ITSN2: variants seen among roughly 807,000 people sequenced by gnomAD.
ITSN2 encodes intersectin-2.
Under a neutral mutation model 243.7 loss-of-function variants are expected in ITSN2, and 156 were observed. The ratio of observed to expected loss-of-function variants is 0.64; its 90% CI spans 0.56 to 0.73. The LOEUF (loss-of-function observed/expected upper bound fraction) is 0.73. Among genes scored for constraint, ITSN2 ranks in the 30% least tolerant of loss-of-function variants. The probability of loss-of-function intolerance (pLI) is 0.00; values close to 1 mark genes in which losing one functional copy is unlikely to be tolerated. For synonymous variants in ITSN2, 703 were observed against 699.9 expected (o/e 1.00, Z -0.07); for missense variants, 1,801 against 1,996.1 (o/e 0.90, Z 1.86).
intron 20 of ITSN2, among the ~76,000 whole-genome samples, chr2:24,270,299 G>A (rs970411128): frequency 2.0e-5 from 3 of 152,144 alleles, no homozygotes; most frequent in African/African-American, 7.2e-5. Flanking sequence ...TTCGTTCCAA[G>A]GAACAAATTG....
rs9917355 is a variant in ITSN2 at position 24,210,531 on chromosome 2, C to T, written c.4257+249G>A. Among the ~76,000 whole-genome samples, 27,169 of 150,196 alleles carry T rather than the reference C, an allele frequency of 0.18. 3,086 individuals carry two copies. The highest frequency in any genetic ancestry group is 0.26 in the Non-Finnish European group (17,441 of 67,720). The stretch of plus-strand genomic sequence containing the variant: ...GGAGATGGAGGCCAGAGAATCGCTC[C>T]AACCCGGGAGGCAGAGCTTGCAGTG... On this transcript the variant is annotated intron_variant, in intron 34 of 39. Coordinates refer to ENST00000355123, the MANE Select transcript of ITSN2 (RefSeq NM_006277.3).
Position 24,203,556 on chromosome 2 carries a change from G to T in ITSN2, c.*70C>A. ...CTGCATGGTGCTCCCTCAGCCCCAA[G>T]AGAGCGCAGTCTCTCATTCTCCAGC... On this transcript the variant is annotated 3_prime_UTR_variant, in exon 40 of 40. Transcript: ENST00000355123. The T allele has an allele frequency of 6.7e-7, 1 of 1,493,706 alleles. No individual in the cohort carries two copies. The highest frequency in any genetic ancestry group is 1.3e-5 in the South Asian group (1 of 79,372). 92.5% of individuals were successfully genotyped at this position (1,493,706 alleles called of 1,614,324 possible). A position where few individuals can be genotyped will look rare whatever the true frequency, so the allele number is the denominator to read the frequency against.
chr2:24,322,108 T>A (rs901640608), intron 2 of ITSN2, among the ~76,000 whole-genome samples: 1 of 152,132 alleles, frequency 6.6e-6, no homozygotes. Flanking sequence ...CTCTATAAAC[T>A]AGGAATATTA....
chr2:24,275,994 A>G (rs1244353243), intron 17 of ITSN2, 145 bp from the exon 18 acceptor site: 2 of 552,804 alleles, frequency 3.6e-6, no homozygotes, highest in Non-Finnish European at 6.0e-6. Context: ...AAAAATATCT[A>G]GATGATAAAA....
intron 29 of ITSN2, among the ~76,000 whole-genome samples, chr2:24,236,782 G>A (rs1558463466): frequency 6.7e-6 from 1 of 150,180 alleles, no homozygotes; most frequent in Admixed American, 6.7e-5. Flanking sequence ...TGAACTGCCT[G>A]CCTCAGCCTC....
At chr2:24,314,298 A>T (rs1683646137) in intron 3 of ITSN2, among the ~76,000 whole-genome samples, 1 of 152,244 alleles carries the variant, frequency 6.6e-6, no homozygotes, top group Non-Finnish European at 1.5e-5. Flanking sequence ...TTAACCTGTA[A>T]GCAGGGTAAT....
At chr2:24,342,257 G>A (rs1212840434) in intron 1 of ITSN2, among the ~76,000 whole-genome samples, 3 of 151,920 alleles carry the variant, frequency 2.0e-5, no homozygotes, top group Non-Finnish European at 2.9e-5. Context: ...GAGTGCAGTG[G>A]CATAATCACG....
In ITSN2 at chr2:24,249,014, T is replaced by C; in HGVS notation, c.3121-132A>G. ...CTTTAAATGAAGATGAAAATGACAA[T>C]GAACCTCATGCAGTATTAACAAATA... On this transcript the variant is annotated intron_variant, in intron 25 of 39. Coordinates refer to ENST00000355123, the MANE Select transcript of ITSN2 (RefSeq NM_006277.3). This position sits in a 1 kb window ranked among gnomAD's most constrained non-coding sequence, Gnocchi z 4.4. 1.1e-6 allele frequency: 1 copy of C among 888,468 alleles called. No individual in the cohort carries two copies. The highest frequency in any genetic ancestry group is 1.8e-6 in the Non-Finnish European group (1 of 565,498). The allele number at this position is 888,468 out of a possible 1,614,324, so 55.0% of individuals were successfully genotyped here.
chr2:24,233,389 G>A (rs773112510), intron 29 of ITSN2, among the ~76,000 whole-genome samples: 4 of 152,100 alleles, frequency 2.6e-5, no homozygotes, highest in Non-Finnish European at 5.9e-5. Flanking sequence ...CCAGTGGCAG[G>A]TTCTTCGGTA....
Position 24,203,398 on chromosome 2 carries a change from T to A in ITSN2, c.*228A>T, listed in dbSNP as rs1668517043. On this transcript the variant is annotated 3_prime_UTR_variant, in exon 40 of 40. Coordinates refer to ENST00000355123, the MANE Select transcript of ITSN2 (RefSeq NM_006277.3). ...GCATCTAAACAAACAGAGCTGAACATGTGAACACTAGGACAAGGCACTGTA... is the reference window on the plus strand; with the variant it reads ...GCATCTAAACAAACAGAGCTGAACAAGTGAACACTAGGACAAGGCACTGTA... 2.3e-6 allele frequency: 1 copy of A among 426,490 alleles called. No homozygotes were observed. Among genetic ancestry groups the A allele is most frequent in the Admixed American group, 3.7e-5 (1 of 26,852 alleles). The allele number at this position is 426,490 out of a possible 1,614,324, so 26.4% of individuals were successfully genotyped here.
At chr2:24,279,622 G>A (rs905480065) in intron 17 of ITSN2, among the ~76,000 whole-genome samples, 3 of 151,638 alleles carry the variant, frequency 2.0e-5, no homozygotes, top group African/African-American at 2.4e-5. Context: ...ATGACAGATC[G>A]TTACACAACT....
intron 32 of ITSN2, among the ~76,000 whole-genome samples, chr2:24,215,820 A>C (rs1461503861): frequency 3.3e-5 from 5 of 152,168 alleles, no homozygotes; most frequent in African/African-American, 1.2e-4. Context: ...TTAAAAAAAA[A>C]CACTCTGCTA....
chr2:24,318,702 A>G (rs1348257730), intron 2 of ITSN2, among the ~76,000 whole-genome samples: 1 of 152,170 alleles, frequency 6.6e-6, no homozygotes, highest in Non-Finnish European at 1.5e-5. Flanking sequence ...ACTCCTGGAC[A>G]TGATGCATCT....
intron 7 of ITSN2, 43 bp downstream of exon 7, chr2:24,310,241 C>T: frequency 8.0e-7 from 1 of 1,251,438 alleles, no homozygotes; most frequent in South Asian, 1.3e-5. Context: ...ATAAAGACTT[C>T]TTACTGAAAG....
At chr2:24,262,331 AC>A (rs1159962331) in intron 20 of ITSN2, among the ~76,000 whole-genome samples, 38 of 151,894 alleles carry the variant, frequency 2.5e-4, no homozygotes, top group Non-Finnish European at 5.3e-4. Flanking sequence ...TTTTTTGTAA[AC>A]TTTTTATTCT....
At position 24,205,279 on chromosome 2, in the gene ITSN2, G is replaced by GAAGTC; in HGVS notation, c.4692_4696dup (p.Ser1566Ter). 1 of 1,613,918 alleles carries GAAGTC rather than the reference G, an allele frequency of 6.2e-7. No homozygotes were observed. The highest frequency in any genetic ancestry group is 8.5e-7 in the Non-Finnish European group (1 of 1,179,812). On this transcript the variant is annotated stop_gained and frameshift_variant, in exon 38 of 40. Transcript: ENST00000355123. LOFTEE classifies it high-confidence loss of function. ...ATGCACCATCAGGCGCCCAATGCCT[G>GAAGTC]AAGTCTTTTGGGAGCGGGCTACAAA...
At chr2:24,300,227 A>C in intron 11 of ITSN2, 56 bp from the exon 12 acceptor site, 1 of 1,559,838 alleles carries the variant, frequency 6.4e-7, no homozygotes, top group South Asian at 1.2e-5. Context: ...CAGAACCTGT[A>C]ATCTAGTTTC....
intron 29 of ITSN2, chr2:24,221,361 T>A: frequency 6.7e-6 from 2 of 298,616 alleles, no homozygotes; most frequent in African/African-American, 2.3e-5. Context: ...CCTCAAGACA[T>A]TTTTCGAAGT....
chr2:24,238,056 C>T (rs769417972), intron 29 of ITSN2, among the ~76,000 whole-genome samples: 8 of 152,158 alleles, frequency 5.3e-5, no homozygotes, highest in Non-Finnish European at 1.2e-4. Context: ...CCATCCTACC[C>T]ACCAAATCTG....
Sources: gnomAD v4.1 joint callset for allele counts (sites outside exome capture counted in the v4.1 genomes callset) on GRCh38, gnomAD v4.1.1 for gene constraint, Gnocchi (gnomAD v3.1) non-coding constraint, MANE v1.5 for transcripts, NCBI Gene and HGNC (gene_info 2026-07-23, HGNC 2026-07-21) for gene names.